The following GRID2 variants were observed in gnomAD, a reference collection of about 807,000 sequenced individuals.
GRID2 encodes the protein glutamate ionotropic receptor delta type subunit 2.
GRID2 carries 33 observed loss-of-function variants against 114.8 expected under a neutral mutation model. The observed-to-expected ratio is 0.29, with a 90% CI of 0.22 to 0.38. The LOEUF (loss-of-function observed/expected upper bound fraction) is 0.38. GRID2 is among the 10% of genes least tolerant of loss of function. GRID2 has a pLI of 1.00. For synonymous variants in GRID2, 505 were observed against 449.9 expected (o/e 1.12, Z -1.55); for missense variants, 1,184 against 1,257.7 (o/e 0.94, Z 0.89).
chr4:93,385,572 G>A lies in GRID2; in HGVS notation c.1246-10035G>A, dbSNP rs553770423. 4.7e-4 allele frequency among the ~76,000 whole-genome samples: 71 copies of A among 152,244 alleles called. 3 individuals are homozygous for A. In the South Asian group the frequency reaches 0.014, roughly 30 times the overall value. Reference sequence around the variant, plus strand: ...TGCCATACGTCAGTGAATAGAAGAGGCAAAGATCTTTGCCTATGGAACTTG... The same window carrying A: ...TGCCATACGTCAGTGAATAGAAGAGACAAAGATCTTTGCCTATGGAACTTG... On this transcript the variant is annotated intron_variant, in intron 8 of 15. Transcript: ENST00000282020.
chr4:92,513,425 G>A (rs577157936), intron 1 of GRID2, among the ~76,000 whole-genome samples: 6 of 151,858 alleles, frequency 4.0e-5, no homozygotes, highest in African/African-American at 7.2e-5. Flanking sequence ...AGTATTGCAC[G>A]TTCTTGTTTC....
At chr4:93,682,339 T>C (rs1207688107) in intron 14 of GRID2, among the ~76,000 whole-genome samples, 6 of 151,342 alleles carry the variant, frequency 4.0e-5, no homozygotes, top group East Asian at 1.9e-4. Flanking sequence ...GGTGGGACTG[T>C]CAACTAGTTC....
At chr4:92,453,301 GGCCAACAGGGAGTCATTGT>G (rs1721041094) in intron 1 of GRID2, among the ~76,000 whole-genome samples, 1 of 152,200 alleles carries the variant, frequency 6.6e-6, no homozygotes, top group Non-Finnish European at 1.5e-5. Context: ...ATTTTGGCCA[GGCCAACAGGGAGTCATTGT>G]GCCAAAGTTG....
chr4:92,716,703 A>C (rs898172621), intron 2 of GRID2, among the ~76,000 whole-genome samples: 4 of 152,162 alleles, frequency 2.6e-5, no homozygotes, highest in Non-Finnish European at 5.9e-5. Flanking sequence ...GAGTTGCCTT[A>C]GTGGTTTGCT....
intron 4 of GRID2, 71 bp from the exon 5 acceptor site, chr4:93,207,333 G>A: frequency 1.0e-6 from 1 of 1,004,414 alleles, no homozygotes; most frequent in East Asian, 2.4e-5. Flanking sequence ...CATTTGCAAA[G>A]TATATTCATT....
chr4:93,157,440 G>A (rs1216881857), intron 4 of GRID2, among the ~76,000 whole-genome samples: 2 of 151,758 alleles, frequency 1.3e-5, no homozygotes, highest in East Asian at 3.9e-4. Context: ...ACTATATTGT[G>A]TAGTATCAGT....
chr4:92,763,010 G>C (rs1026559031), intron 2 of GRID2, among the ~76,000 whole-genome samples: 7 of 152,116 alleles, frequency 4.6e-5, no homozygotes, highest in African/African-American at 1.7e-4. Context: ...ATAAGTCTGG[G>C]GATTGGGAAG....
intron 8 of GRID2, among the ~76,000 whole-genome samples, chr4:93,379,044 C>A (rs1763622973): frequency 6.6e-6 from 1 of 151,868 alleles, no homozygotes; most frequent in Admixed American, 6.6e-5. Flanking sequence ...TTTTTTTATT[C>A]TCTACATTAA....
intron 1 of GRID2, among the ~76,000 whole-genome samples, chr4:92,485,301 CATATATATATATATATATATATAT>C (rs34583484): frequency 1.3e-3 from 72 of 56,560 alleles, no homozygotes; most frequent in East Asian, 0.012. Flanking sequence ...AAGGTGTGTG[CATATATATATATATATATATATAT>C]ATATATATAT....
intron 14 of GRID2, among the ~76,000 whole-genome samples, chr4:93,757,834 G>A (rs1031601890): frequency 6.6e-6 from 1 of 152,174 alleles, no homozygotes; most frequent in Non-Finnish European, 1.5e-5. Context: ...GTGGGTGCCT[G>A]TAATCCCAGC....
chr4:93,747,400 G>A (rs1409318820), intron 14 of GRID2, among the ~76,000 whole-genome samples: 1 of 152,066 alleles, frequency 6.6e-6, no homozygotes, highest in Non-Finnish European at 1.5e-5. Context: ...TTACATTCGT[G>A]TGATTATCTA....
At chr4:93,729,539 A>G (rs1383220128) in intron 14 of GRID2, among the ~76,000 whole-genome samples, 1 of 151,384 alleles carries the variant, frequency 6.6e-6, no homozygotes, top group Non-Finnish European at 1.5e-5. Flanking sequence ...CAGATAATAC[A>G]GATAATCATT....
Position 93,625,636 on chromosome 4 carries a change from C to T in GRID2, c.2194-633C>T, listed in dbSNP as rs574677463. On this transcript the variant is annotated intron_variant, in intron 13 of 15. Transcript: ENST00000282020. Reference sequence around the variant, plus strand: ...TACAAATGAAAAACAATACAGTGGGCCGGGCGCGGTGGCTCACGCCTGTAA... The same window carrying T: ...TACAAATGAAAAACAATACAGTGGGTCGGGCGCGGTGGCTCACGCCTGTAA... 4.7e-3 allele frequency among the ~76,000 whole-genome samples: 716 copies of T among 152,318 alleles called. 2 individuals are homozygous for T. The highest frequency in any genetic ancestry group is 7.3e-3 in the Non-Finnish European group (498 of 68,030).
intron 14 of GRID2, among the ~76,000 whole-genome samples, chr4:93,678,305 T>C (rs1268949045): frequency 7.9e-5 from 12 of 152,162 alleles, no homozygotes; most frequent in African/African-American, 2.7e-4. Flanking sequence ...ATCTGATTGG[T>C]GTACCTGAAA....
rs2110266959 is a variant in GRID2, at chr4:93,745,548, A to C, written c.2361-23662A>C. On this transcript the variant is annotated intron_variant, in intron 14 of 15. Transcript: ENST00000282020. Reference sequence around the variant, plus strand: ...CCAAAGGGCAGTGAGTGGCCCCTTAATCCTAATAGCAGATACTTCCATGAG... The same window carrying C: ...CCAAAGGGCAGTGAGTGGCCCCTTACTCCTAATAGCAGATACTTCCATGAG... Among the ~76,000 whole-genome samples, 2 of 152,196 alleles carry C rather than the reference A, an allele frequency of 1.3e-5. 1 individual carries two copies. Among genetic ancestry groups the C allele is most frequent in the South Asian group, 4.2e-4 (2 of 4,818 alleles).
At chr4:93,053,850 G>A (rs1050702553) in intron 2 of GRID2, among the ~76,000 whole-genome samples, 4 of 151,884 alleles carry the variant, frequency 2.6e-5, no homozygotes, top group Non-Finnish European at 4.4e-5. Flanking sequence ...ACACATGGAT[G>A]CTTACCAAGA....
chr4:93,388,206 G>A (rs1176158872), intron 8 of GRID2, among the ~76,000 whole-genome samples: 5 of 152,118 alleles, frequency 3.3e-5, no homozygotes, highest in South Asian at 2.1e-4. Context: ...TCTAAAGGAT[G>A]AGGAAAAATT....
intron 2 of GRID2, among the ~76,000 whole-genome samples, chr4:92,970,896 G>A (rs1459378578): frequency 6.6e-6 from 1 of 151,580 alleles, no homozygotes; most frequent in Non-Finnish European, 1.5e-5. Flanking sequence ...GCTTATCACT[G>A]GTAAGTAGTG....
At chr4:92,851,232 T>C (rs1743764689) in intron 2 of GRID2, among the ~76,000 whole-genome samples, 1 of 151,920 alleles carries the variant, frequency 6.6e-6, no homozygotes, top group African/African-American at 2.4e-5. Context: ...AATAAAAATT[T>C]AGCAATTCAA....
Sources: gnomAD v4.1 joint callset for allele counts (sites outside exome capture counted in the v4.1 genomes callset) on GRCh38, gnomAD v4.1.1 for gene constraint, MANE v1.5 for transcripts, NCBI Gene and HGNC (gene_info 2026-07-23, HGNC 2026-07-21) for gene names.